Variants in PCDH9 observed in about 807,000 individuals in gnomAD.
PCDH9 encodes protocadherin 9.
PCDH9 carries 24 observed loss-of-function variants against 70.6 expected under a neutral mutation model. The observed-to-expected ratio is 0.34, with a 90% confidence interval of 0.25 to 0.48. The LOEUF (loss-of-function observed/expected upper bound fraction) is 0.48. Among genes scored for constraint, PCDH9 ranks in the 20% least tolerant of loss-of-function variants. The pLI is 0.99. For missense variants in PCDH9, 1,281 were observed against 1,503.6 expected (o/e 0.85, Z 2.45); for synonymous variants, 562 against 558.5 (o/e 1.01, Z -0.09).
intron 2 of PCDH9, among the ~76,000 whole-genome samples, chr13:67,001,093 C>T (rs2084234597): frequency 6.6e-6 from 1 of 152,138 alleles, no homozygotes; most frequent in South Asian, 2.1e-4. Flanking sequence ...GCCAAAGTCA[C>T]ATAGCTAATA....
intron 2 of PCDH9, among the ~76,000 whole-genome samples, chr13:67,110,048 G>A (rs1377263338): frequency 6.6e-6 from 1 of 151,980 alleles, no homozygotes; most frequent in East Asian, 1.9e-4. Flanking sequence ...ATTTGGTCGC[G>A]GAGGCTTTGC....
intron 2 of PCDH9, among the ~76,000 whole-genome samples, chr13:66,987,274 A>ATT (rs2083911532): frequency 1.3e-5 from 2 of 152,014 alleles, no homozygotes; most frequent in Non-Finnish European, 2.9e-5. Flanking sequence ...TCAAGGCTAA[A>ATT]TAAACACTGC....
At chr13:67,051,410 T>G (rs951589531) in intron 2 of PCDH9, among the ~76,000 whole-genome samples, 271 of 83,046 alleles carry the variant, frequency 3.3e-3, no homozygotes, top group African/African-American at 0.012. Context: ...TTTTTTTTTT[T>G]GAGACAGAGT....
Position 67,010,027 on chromosome 13 carries a change from C to A in PCDH9, c.3037-106422G>T, listed in dbSNP as rs536500795. ...ACATATCTGCTAATTAACTGATGTT[C>A]AGGAAATGTGAAGAGCAAGTTAATC... On this transcript the variant is annotated intron_variant, in intron 2 of 4. Transcript: ENST00000377865. Among the ~76,000 whole-genome samples, 24 of 151,954 alleles carry A rather than the reference C, an allele frequency of 1.6e-4. No homozygotes were observed. The South Asian group carries it at 2.1e-3, about 13-fold the overall frequency.
chr13:67,115,388 G>A (rs1055445068), intron 2 of PCDH9, among the ~76,000 whole-genome samples: 3 of 152,174 alleles, frequency 2.0e-5, no homozygotes, highest in African/African-American at 7.2e-5. Context: ...GCTGGTGGTT[G>A]AAGACAATGC....
intron 2 of PCDH9, among the ~76,000 whole-genome samples, chr13:67,043,413 G>A (rs1460468614): frequency 6.6e-6 from 1 of 152,112 alleles, no homozygotes; most frequent in African/African-American, 2.4e-5. Flanking sequence ...AGTGATCGGT[G>A]GGATGTGAAA....
intron 3 of PCDH9, among the ~76,000 whole-genome samples, chr13:66,683,109 T>C (rs1193946981): frequency 6.6e-6 from 1 of 152,148 alleles, no homozygotes; most frequent in Admixed American, 6.6e-5. Context: ...TTACAACCTG[T>C]TATGACACCC....
intron 2 of PCDH9, among the ~76,000 whole-genome samples, chr13:67,176,320 A>C: frequency 6.6e-6 from 1 of 151,998 alleles, no homozygotes; most frequent in East Asian, 1.9e-4. Flanking sequence ...GGGGCCCATA[A>C]ATCTTTTCAG....
intron 2 of PCDH9, among the ~76,000 whole-genome samples, chr13:67,078,667 C>T (rs554464396): frequency 1.4e-4 from 21 of 152,202 alleles, no homozygotes; most frequent in Non-Finnish European, 2.2e-4. Flanking sequence ...AAGTTCTTTA[C>T]TTATAGCTCT....
intron 4 of PCDH9, among the ~76,000 whole-genome samples, chr13:66,627,141 A>G (rs1166377107): frequency 6.6e-6 from 1 of 152,184 alleles, no homozygotes; most frequent in Non-Finnish European, 1.5e-5. Flanking sequence ...TATATGAACC[A>G]TATTTGAAAA....
chr13:66,995,649 A>G (rs1420060147), intron 2 of PCDH9, among the ~76,000 whole-genome samples: 1 of 152,198 alleles, frequency 6.6e-6, no homozygotes, highest in African/African-American at 2.4e-5. Flanking sequence ...AAAAAAAGAA[A>G]AGAACATCTG....
chr13:66,950,515 C>T (rs935643768), intron 2 of PCDH9, among the ~76,000 whole-genome samples: 10 of 151,232 alleles, frequency 6.6e-5, no homozygotes. Context: ...TTAGTTTTAA[C>T]ATTCCTAGTT....
intron 4 of PCDH9, among the ~76,000 whole-genome samples, chr13:66,308,077 C>G (rs1467517109): frequency 6.6e-6 from 1 of 151,980 alleles, no homozygotes; most frequent in Non-Finnish European, 1.5e-5. Context: ...ACATAATTGC[C>G]TTAAGAGCAG....
chr13:67,139,329 G>A (rs1243563390), intron 2 of PCDH9, among the ~76,000 whole-genome samples: 5 of 152,104 alleles, frequency 3.3e-5, no homozygotes, highest in Admixed American at 6.6e-5. Flanking sequence ...ACTCTTAACC[G>A]CTATTACCAA....
chr13:66,942,644 T>G (rs2139685242), intron 2 of PCDH9, among the ~76,000 whole-genome samples: 1 of 152,130 alleles, frequency 6.6e-6, no homozygotes, highest in African/African-American at 2.4e-5. Context: ...CAAATATAAG[T>G]GTCCAAGGCC....
chr13:67,088,779 G>A (rs915735913), intron 2 of PCDH9, among the ~76,000 whole-genome samples: 5 of 151,968 alleles, frequency 3.3e-5, no homozygotes, highest in South Asian at 2.1e-4. Flanking sequence ...TATCAAACAC[G>A]TCTTAAAATA....
At chr13:66,986,970 T>C (rs1384878985) in intron 2 of PCDH9, among the ~76,000 whole-genome samples, 4 of 151,998 alleles carry the variant, frequency 2.6e-5, no homozygotes, top group African/African-American at 9.7e-5. Flanking sequence ...GTTTATGATA[T>C]ATTACCTATA....
chr13:66,918,807 A>G (rs2082596599), intron 2 of PCDH9, among the ~76,000 whole-genome samples: 1 of 151,274 alleles, frequency 6.6e-6, no homozygotes, highest in Non-Finnish European at 1.5e-5. Context: ...TCATGGCAAA[A>G]TAAATTTACT....
intron 2 of PCDH9, among the ~76,000 whole-genome samples, chr13:67,140,679 A>G (rs926653165): frequency 7.9e-5 from 12 of 152,198 alleles, no homozygotes; most frequent in African/African-American, 2.4e-4. Context: ...GCTAATTCCA[A>G]TGTGCCTCCT....
Sources: gnomAD v4.1 joint callset for allele counts (sites outside exome capture counted in the v4.1 genomes callset) on GRCh38, gnomAD v4.1.1 for gene constraint, MANE v1.5 for transcripts, NCBI Gene and HGNC (gene_info 2026-07-23, HGNC 2026-07-21) for gene names.